Variants in ST7 observed in about 807,000 individuals in gnomAD.
ST7 encodes the protein suppressor of tumorigenicity 7 protein.
Under a neutral mutation model 78.7 loss-of-function variants are expected in ST7, and 28 were observed. That is an observed-to-expected ratio of 0.36 (90% confidence interval 0.26 to 0.49). The LOEUF is 0.49. ST7 is among the 20% of genes least tolerant of loss of function. ST7 has a pLI of 0.99. For missense variants in ST7, 418 were observed against 696.0 expected (o/e 0.60, Z 4.49); for synonymous variants, 247 against 249.6 (o/e 0.99, Z 0.10).
At chr7:117,098,247 C>T (rs1351587936) in intron 1 of ST7, among the ~76,000 whole-genome samples, 1 of 151,722 alleles carries the variant, frequency 6.6e-6, no homozygotes, top group African/African-American at 2.4e-5. Context: ...CTCCTAACCT[C>T]CTCAACCCTT....
At chr7:117,128,041 C>T (rs1435441051) in intron 3 of ST7, among the ~76,000 whole-genome samples, 1 of 151,780 alleles carries the variant, frequency 6.6e-6, no homozygotes, top group Non-Finnish European at 1.5e-5. Flanking sequence ...ACTAATATTT[C>T]AGATGAGATT....
chr7:117,204,050 A>G (rs1163262971), intron 12 of ST7, among the ~76,000 whole-genome samples: 3 of 152,170 alleles, frequency 2.0e-5, no homozygotes, highest in Non-Finnish European at 4.4e-5. Flanking sequence ...GTTTAATTTG[A>G]CAATTCAGCT....
At chr7:117,043,199 T>G (rs561718981) in intron 1 of ST7, among the ~76,000 whole-genome samples, 21 of 152,336 alleles carry the variant, frequency 1.4e-4, no homozygotes, top group Non-Finnish European at 2.8e-4. Flanking sequence ...CACGTCTGAT[T>G]ACAGCAATTT....
intron 1 of ST7, among the ~76,000 whole-genome samples, chr7:117,096,274 C>T (rs2116748745): frequency 6.6e-6 from 1 of 152,070 alleles, no homozygotes; most frequent in Non-Finnish European, 1.5e-5. Context: ...AGTTTGCAGC[C>T]TTCCTACTTT....
intron 12 of ST7, among the ~76,000 whole-genome samples, chr7:117,202,468 G>A (rs982166401): frequency 6.6e-6 from 1 of 152,118 alleles, no homozygotes; most frequent in Non-Finnish European, 1.5e-5. Flanking sequence ...CTCCTTTGGT[G>A]TCTTTACCCT....
intron 8 of ST7, 119 bp from the exon 9 acceptor site, chr7:117,138,316 C>A: frequency 1.8e-6 from 1 of 542,998 alleles, no homozygotes; most frequent in Non-Finnish European, 3.2e-6. Flanking sequence ...TTTACTTGAT[C>A]TTCATTCTAC....
chr7:116,989,848 A>AT (rs1299370593), intron 1 of ST7, among the ~76,000 whole-genome samples: 2 of 151,502 alleles, frequency 1.3e-5, no homozygotes, highest in Non-Finnish European at 2.9e-5. Context: ...CCAAAAAAAA[A>AT]TTTTTTTTTC....
chr7:117,149,356 T>C (rs561184936), intron 9 of ST7, among the ~76,000 whole-genome samples: 1 of 152,286 alleles, frequency 6.6e-6, no homozygotes, highest in East Asian at 1.9e-4. Context: ...TTAAATCAGG[T>C]GGGCTGTCCT....
intron 13 of ST7, among the ~76,000 whole-genome samples, chr7:117,211,215 A>G (rs1429609770): frequency 6.6e-6 from 1 of 152,170 alleles, no homozygotes; most frequent in East Asian, 1.9e-4. Context: ...ATAGATTACT[A>G]TTTATAACTT....
chr7:117,072,157 A>G (rs956615926), intron 1 of ST7: 5 of 152,216 alleles, frequency 3.3e-5, no homozygotes, highest in Non-Finnish European at 5.9e-5. Context: ...GTGTAGTAAT[A>G]GGGATTGGAT....
intron 1 of ST7, among the ~76,000 whole-genome samples, chr7:117,035,849 T>C (rs1363701625): frequency 6.6e-6 from 1 of 152,178 alleles, no homozygotes; most frequent in African/African-American, 2.4e-5. Context: ...AATACATTTT[T>C]TTGTAGGATA....
intron 12 of ST7, 125 bp downstream of exon 12, chr7:117,191,061 C>T: frequency 1.3e-6 from 1 of 755,670 alleles, no homozygotes; most frequent in Non-Finnish European, 2.2e-6. Context: ...ATGTTGAGAC[C>T]CTGTATAATG....
At chr7:116,989,027 C>T (rs1369536093) in intron 1 of ST7, among the ~76,000 whole-genome samples, 1 of 152,086 alleles carries the variant, frequency 6.6e-6, no homozygotes, top group Non-Finnish European at 1.5e-5. Context: ...ATATACAAGC[C>T]ACACATGAGC....
At chr7:117,051,264 T>C (rs1797779110) in intron 1 of ST7, among the ~76,000 whole-genome samples, 1 of 152,218 alleles carries the variant, frequency 6.6e-6, no homozygotes, top group Non-Finnish European at 1.5e-5. Flanking sequence ...GCAACATATA[T>C]GTATTTACCT....
At chr7:117,213,073 C>T (rs1184729164) in intron 13 of ST7, among the ~76,000 whole-genome samples, 1 of 152,076 alleles carries the variant, frequency 6.6e-6, no homozygotes, top group Non-Finnish European at 1.5e-5. Context: ...AATGCCATAC[C>T]CCACCCACCC....
intron 1 of ST7, among the ~76,000 whole-genome samples, chr7:117,003,015 G>C (rs950087502): frequency 6.6e-6 from 1 of 151,180 alleles, no homozygotes; most frequent in Non-Finnish European, 1.5e-5. Context: ...GTAGAGACAG[G>C]TTTTCACCAT....
chr7:117,203,018 C>T (rs961512229), intron 12 of ST7, among the ~76,000 whole-genome samples: 13 of 152,140 alleles, frequency 8.5e-5, no homozygotes, highest in Admixed American at 7.2e-4. Context: ...GCAGGTTTCC[C>T]ATCCCATGAA....
intron 6 of ST7, 68 bp downstream of exon 6, chr7:117,132,028 T>A: frequency 7.2e-7 from 1 of 1,396,262 alleles, no homozygotes; most frequent in Non-Finnish European, 1.0e-6. Flanking sequence ...TCAGTTGCCA[T>A]TGATAGGATA....
At chr7:117,047,629 G>A (rs563449258) in intron 1 of ST7, among the ~76,000 whole-genome samples, 16 of 152,254 alleles carry the variant, frequency 1.1e-4, no homozygotes, top group African/African-American at 3.6e-4. Flanking sequence ...AATAATTAAA[G>A]GGTTTAGATT....
Sources: allele counts gnomAD v4.1 joint callset (sites outside exome capture counted in the v4.1 genomes callset), GRCh38; gene constraint gnomAD v4.1.1; transcripts MANE v1.5; gene names NCBI Gene and HGNC (gene_info 2026-07-23, HGNC 2026-07-21).